The following STK32B variants were observed in gnomAD, a reference collection of about 807,000 sequenced individuals.
The protein encoded by STK32B is serine/threonine-protein kinase 32B.
A neutral mutation model predicts 52.6 loss-of-function variants in STK32B; 43 were observed. The observed-to-expected ratio is 0.82, with a 90% confidence interval of 0.64 to 1.05. STK32B has a LOEUF of 1.05. Among genes scored for constraint, STK32B ranks in the 50% least tolerant of loss-of-function variants. STK32B has a pLI of 0.00. For missense variants in STK32B, 621 were observed against 534.6 expected (o/e 1.16, Z -1.59); for synonymous variants, 238 against 204.3 (o/e 1.17, Z -1.41).
chr4:5,176,469 G>A (rs1012584082), intron 3 of STK32B, among the ~76,000 whole-genome samples: 15 of 135,100 alleles, frequency 1.1e-4, no homozygotes, highest in African/African-American at 4.1e-4. Flanking sequence ...TTAAGATGGA[G>A]TTTCACTCTT....
chr4:5,359,617 A>C (rs554902530), intron 4 of STK32B, among the ~76,000 whole-genome samples: 1 of 152,326 alleles, frequency 6.6e-6, no homozygotes, highest in South Asian at 2.1e-4. Flanking sequence ...AGAAAGGGCC[A>C]CAGGAGGGGG....
chr4:5,278,259 T>C (rs1420100841), intron 3 of STK32B, among the ~76,000 whole-genome samples: 6 of 152,178 alleles, frequency 3.9e-5, no homozygotes, highest in Middle Eastern at 3.2e-3. Context: ...GGAAAACTCT[T>C]CATGCACCAG....
chr4:5,310,026 C>G (rs553471235), intron 3 of STK32B, among the ~76,000 whole-genome samples: 1 of 151,950 alleles, frequency 6.6e-6, no homozygotes, highest in Non-Finnish European at 1.5e-5. Context: ...ATTAGCCGGG[C>G]GTGGTGGCAA....
intron 6 of STK32B, among the ~76,000 whole-genome samples, chr4:5,439,391 T>TAAATGTCTTCTTTTGAG (rs1714475262): frequency 6.6e-6 from 1 of 151,974 alleles, no homozygotes; most frequent in Admixed American, 6.5e-5. Context: ...TTTGGCTGCA[T>TAAATGTCTTCTTTTGAG]AAATGTCTTC....
At chr4:5,153,434 T>C (rs10428279) in intron 2 of STK32B, among the ~76,000 whole-genome samples, 21 of 151,796 alleles carry the variant, frequency 1.4e-4, no homozygotes, top group African/African-American at 4.6e-4. Context: ...GCCCTCAGCA[T>C]GGTACCTGGC....
intron 3 of STK32B, among the ~76,000 whole-genome samples, chr4:5,309,473 C>G (rs750480523): frequency 6.6e-6 from 1 of 152,130 alleles, no homozygotes; most frequent in African/African-American, 2.4e-5. Context: ...ATCACACTAC[C>G]AGACTTCAAA....
chr4:5,426,688 TAAA>T, intron 6 of STK32B, among the ~76,000 whole-genome samples: 1 of 9,096 alleles, frequency 1.1e-4, no homozygotes, highest in Admixed American at 1.4e-3. Flanking sequence ...AGACTCCATC[TAAA>T]CAAAAAAAAA....
chr4:5,343,793 T>TA (rs1733264142), intron 4 of STK32B, among the ~76,000 whole-genome samples: 1 of 152,114 alleles, frequency 6.6e-6, no homozygotes, highest in African/African-American at 2.4e-5. Flanking sequence ...AACCTACAAA[T>TA]ATTCTTTGAT....
At chr4:5,089,789 A>G (rs1011990417) in intron 1 of STK32B, among the ~76,000 whole-genome samples, 5 of 152,198 alleles carry the variant, frequency 3.3e-5, no homozygotes, top group Admixed American at 2.0e-4. Context: ...ACTGTCTTCT[A>G]CCATGGTTGA....
intron 1 of STK32B, among the ~76,000 whole-genome samples, chr4:5,060,402 T>C (rs995889576): frequency 6.6e-6 from 1 of 152,192 alleles, no homozygotes; most frequent in Admixed American, 6.5e-5. Flanking sequence ...TGTGCTTTCT[T>C]TTTCATCTTT....
At chr4:5,234,820 G>C (rs1393915786) in intron 3 of STK32B, among the ~76,000 whole-genome samples, 1 of 152,272 alleles carries the variant, frequency 6.6e-6, no homozygotes, top group Non-Finnish European at 1.5e-5. Context: ...AAATGGCTGA[G>C]TTGGGTCTCC....
At chr4:5,131,667 T>C (rs1379094961) in intron 1 of STK32B, among the ~76,000 whole-genome samples, 1 of 152,170 alleles carries the variant, frequency 6.6e-6, no homozygotes, top group East Asian at 1.9e-4. Context: ...GCCAAGGGCC[T>C]TTGCACATGC....
At chr4:5,283,435 G>T (rs774586498) in intron 3 of STK32B, among the ~76,000 whole-genome samples, 4 of 152,082 alleles carry the variant, frequency 2.6e-5, no homozygotes, top group Non-Finnish European at 4.4e-5. Flanking sequence ...GGAAATAATG[G>T]CCCCATATTT....
intron 1 of STK32B, among the ~76,000 whole-genome samples, chr4:5,068,274 T>C (rs1711542151): frequency 6.6e-6 from 1 of 152,100 alleles, no homozygotes; most frequent in Non-Finnish European, 1.5e-5. Flanking sequence ...CATCCCTCAC[T>C]CCTTTCCCAT....
intron 1 of STK32B, among the ~76,000 whole-genome samples, chr4:5,111,660 A>G (rs992635006): frequency 2.0e-5 from 3 of 152,108 alleles, no homozygotes; most frequent in East Asian, 1.9e-4. Flanking sequence ...AGAACATCCA[A>G]TATATGGATG....
At chr4:5,334,156 G>C (rs1006978159) in intron 4 of STK32B, among the ~76,000 whole-genome samples, 3 of 151,880 alleles carry the variant, frequency 2.0e-5, no homozygotes, top group African/African-American at 7.3e-5. Flanking sequence ...ATTTCATTGA[G>C]CAGTGGTTTG....
intron 2 of STK32B, among the ~76,000 whole-genome samples, chr4:5,168,062 CA>C (rs1193930681): frequency 5.9e-5 from 9 of 152,306 alleles, no homozygotes; most frequent in Admixed American, 5.9e-4. Flanking sequence ...CCTCTTTCAA[CA>C]CTTAGTACAT....
chr4:5,188,399 C>T (rs1414855598), intron 3 of STK32B, among the ~76,000 whole-genome samples: 1 of 152,188 alleles, frequency 6.6e-6, no homozygotes. Context: ...GTTTGAAAGT[C>T]ACATGGCAGC....
At chr4:5,349,755 G>T (rs893502073) in intron 4 of STK32B, among the ~76,000 whole-genome samples, 1 of 152,040 alleles carries the variant, frequency 6.6e-6, no homozygotes, top group Non-Finnish European at 1.5e-5. Flanking sequence ...AGCAACTCAG[G>T]ATATGCCTGA....
Sources: allele counts gnomAD v4.1 joint callset (sites outside exome capture counted in the v4.1 genomes callset), GRCh38; gene constraint gnomAD v4.1.1; transcripts MANE v1.5; gene names NCBI Gene and HGNC (gene_info 2026-07-23, HGNC 2026-07-21).